The following PLCL1 variants were observed in gnomAD, a reference collection of about 807,000 sequenced individuals.
PLCL1 encodes the protein inactive phospholipase C-like protein 1.
In PLCL1, 41 loss-of-function variants were observed where a neutral mutation model predicts 84.4. The observed-to-expected ratio is 0.49, with a 90% CI of 0.38 to 0.63. The LOEUF (loss-of-function observed/expected upper bound fraction) is 0.63, where lower values mean the gene tolerates loss of function less well. PLCL1 is among the 30% of genes least tolerant of loss of function. The pLI, the probability that PLCL1 is intolerant of heterozygous loss-of-function variation, is 0.00. For synonymous variants in PLCL1, 490 were observed against 488.3 expected (o/e 1.00, Z -0.05); for missense variants, 1,206 against 1,367.8 (o/e 0.88, Z 1.87).
chr2:198,121,574 A>AT (rs1193630642), intron 5 of PLCL1, among the ~76,000 whole-genome samples: 1 of 151,940 alleles, frequency 6.6e-6, no homozygotes, highest in Non-Finnish European at 1.5e-5. Context: ...TCTCTTCCCC[A>AT]TTGTATGTTC....
intron 1 of PLCL1, among the ~76,000 whole-genome samples, chr2:198,069,007 C>T (rs1692400859): frequency 6.6e-6 from 1 of 151,558 alleles, no homozygotes; most frequent in African/African-American, 2.4e-5. Context: ...TGTACTCCAG[C>T]CTGGGCGACA....
At chr2:198,114,623 G>T (rs1446019568) in intron 5 of PLCL1, among the ~76,000 whole-genome samples, 2 of 151,806 alleles carry the variant, frequency 1.3e-5, no homozygotes, top group African/African-American at 4.8e-5. Flanking sequence ...TAAGTGGAAA[G>T]AAAACATTGA....
At chr2:197,818,173 C>A (rs1052889008) in intron 1 of PLCL1, among the ~76,000 whole-genome samples, 1 of 152,034 alleles carries the variant, frequency 6.6e-6, no homozygotes, top group African/African-American at 2.4e-5. Flanking sequence ...GGAGAAATGA[C>A]CTGACAAACA....
intron 4 of PLCL1, among the ~76,000 whole-genome samples, chr2:198,102,054 G>A (rs918402739): frequency 3.7e-4 from 56 of 151,978 alleles, no homozygotes; most frequent in African/African-American, 1.4e-3. Context: ...TATAGATGAG[G>A]CATCTGAGAT....
intron 3 of PLCL1, among the ~76,000 whole-genome samples, chr2:198,100,272 G>A (rs1693299120): frequency 6.6e-6 from 1 of 152,000 alleles, no homozygotes; most frequent in African/African-American, 2.4e-5. Context: ...TAACAAGATG[G>A]AAATAATATA....
rs561695856 is a variant in PLCL1, at chr2:198,049,135, A to G, written c.241-34623A>G. Among the ~76,000 whole-genome samples, 158 of 152,330 alleles carry G rather than the reference A, an allele frequency of 1.0e-3. 1 individual carries two copies. Among genetic ancestry groups the G allele is most frequent in the African/African-American group, 3.6e-3 (151 of 41,576 alleles). ...TCAGTGACATCTCATAGAATGAATCATAGGGAGACCAAGTGGTGTGCACAG... is the reference window on the plus strand; with the variant it reads ...TCAGTGACATCTCATAGAATGAATCGTAGGGAGACCAAGTGGTGTGCACAG... On this transcript the variant is annotated intron_variant, in intron 1 of 5. Transcript: ENST00000428675.
At chr2:197,904,985 A>G (rs940833345) in intron 1 of PLCL1, among the ~76,000 whole-genome samples, 4 of 152,170 alleles carry the variant, frequency 2.6e-5, no homozygotes, top group Non-Finnish European at 4.4e-5. Flanking sequence ...CTTTTTTAGC[A>G]TCTAATTTTT....
At chr2:198,072,195 A>G (rs575443397) in intron 1 of PLCL1, among the ~76,000 whole-genome samples, 1 of 151,704 alleles carries the variant, frequency 6.6e-6, no homozygotes, top group Non-Finnish European at 1.5e-5. Context: ...TATCTTGTTA[A>G]GTTTATTCTT....
chr2:197,805,932 C>T lies in PLCL1; in HGVS notation c.240+593C>T, dbSNP rs1171123129. Among the ~76,000 whole-genome samples the T allele has an allele frequency of 6.6e-6, 1 of 152,232 alleles. No individual in the cohort carries two copies. Among genetic ancestry groups the T allele is most frequent in the Non-Finnish European group, 1.5e-5 (1 of 68,034 alleles). On this transcript the variant is annotated intron_variant, in intron 1 of 5. Transcript: ENST00000428675. The surrounding 1 kb of genome is among the most constrained non-coding windows in gnomAD (Gnocchi z 4.0). The stretch of plus-strand genomic sequence containing the variant: ...AAGCAATCAATCCCCCAAGCATTAT[C>T]ACTGGTCCTTGTGGTTACCACCACA...
intron 3 of PLCL1, among the ~76,000 whole-genome samples, chr2:198,093,320 G>C (rs1693098791): frequency 1.3e-5 from 2 of 152,150 alleles, no homozygotes; most frequent in African/African-American, 4.8e-5. Context: ...ATCAATAGTG[G>C]CTTGTCAATT....
chr2:198,015,580 A>G (rs1340781778), intron 1 of PLCL1, among the ~76,000 whole-genome samples: 1 of 152,200 alleles, frequency 6.6e-6, no homozygotes, highest in Non-Finnish European at 1.5e-5. Context: ...TGACTTATTC[A>G]TTCAACAGAT....
intron 1 of PLCL1, among the ~76,000 whole-genome samples, chr2:198,018,450 C>T (rs1691052724): frequency 6.6e-6 from 1 of 152,146 alleles, no homozygotes; most frequent in African/African-American, 2.4e-5. Flanking sequence ...GGATCCCACC[C>T]CATGGAACCC....
intron 1 of PLCL1, among the ~76,000 whole-genome samples, chr2:197,978,266 G>A (rs1269235431): frequency 6.6e-6 from 1 of 152,184 alleles, no homozygotes; most frequent in African/African-American, 2.4e-5. Flanking sequence ...CATGAGGTCA[G>A]GAGATAGAGA....
At chr2:197,868,508 CT>C (rs966489759) in intron 1 of PLCL1, among the ~76,000 whole-genome samples, 8 of 151,050 alleles carry the variant, frequency 5.3e-5, no homozygotes, top group African/African-American at 9.7e-5. Context: ...AAATTTTACA[CT>C]TTTTTTTTAA....
intron 1 of PLCL1, among the ~76,000 whole-genome samples, chr2:198,063,953 C>G (rs1692266032): frequency 6.6e-6 from 1 of 152,192 alleles, no homozygotes; most frequent in African/African-American, 2.4e-5. Context: ...GGGTTCCAAT[C>G]TTGCTTTCAC....
intron 1 of PLCL1, among the ~76,000 whole-genome samples, chr2:197,938,910 T>C (rs939063175): frequency 4.6e-5 from 7 of 152,178 alleles, no homozygotes; most frequent in Non-Finnish European, 8.8e-5. Context: ...ATGGCAATAT[T>C]AAGAGTGGAA....
At chr2:198,141,276 A>C (rs946881864) in intron 5 of PLCL1, among the ~76,000 whole-genome samples, 16 of 152,196 alleles carry the variant, frequency 1.1e-4, no homozygotes, top group Non-Finnish European at 2.4e-4. Flanking sequence ...TGCAGTGGAC[A>C]CTTCTATTTT....
intron 1 of PLCL1, among the ~76,000 whole-genome samples, chr2:197,959,371 T>G (rs890144933): frequency 6.6e-6 from 1 of 152,012 alleles, no homozygotes. Context: ...TTCTACTGAT[T>G]GGATAAGACC....
intron 1 of PLCL1, among the ~76,000 whole-genome samples, chr2:198,020,352 G>A (rs1345201829): frequency 3.3e-5 from 5 of 152,082 alleles, no homozygotes; most frequent in Admixed American, 1.3e-4. Context: ...TAACCAGCTA[G>A]CATTATAATG....
Sources: allele counts gnomAD v4.1 joint callset (sites outside exome capture counted in the v4.1 genomes callset), GRCh38; gene constraint gnomAD v4.1.1; non-coding constraint Gnocchi (gnomAD v3.1); transcripts MANE v1.5; gene names NCBI Gene and HGNC (gene_info 2026-07-23, HGNC 2026-07-21).